The following RGS8 variants were observed in gnomAD, a reference collection of about 807,000 sequenced individuals.
RGS8 encodes the protein regulator of G protein signaling 8, also known as regulator of G-protein signaling 8.
In RGS8, 8 loss-of-function variants were observed where a neutral mutation model predicts 21.7. The observed-to-expected ratio is 0.37, with a 90% CI of 0.22 to 0.66. The LOEUF is 0.66. Among genes scored for constraint, RGS8 ranks in the 30% least tolerant of loss-of-function variants. The pLI, the probability that RGS8 is intolerant of heterozygous loss-of-function variation, is 0.59. For synonymous variants in RGS8, 80 were observed against 83.6 expected, an observed-to-expected ratio of 0.96 and a Z score of 0.24; for missense variants, 157 against 217.9, an observed-to-expected ratio of 0.72 and a Z score of 1.76.
At chr1:182,643,332 C>T (rs866483690), downstream of RGS8, 7 of 101,636 alleles carry the variant, frequency 6.9e-5, no homozygotes, top group South Asian at 3.5e-4. Flanking sequence ...AGCCCCCCCG[C>T]CCCCGCGCTG....
chr1:182,669,989 A>G (rs1479958888), intron 2 of RGS8, among the ~76,000 whole-genome samples: 1 of 152,234 alleles, frequency 6.6e-6, no homozygotes, highest in Non-Finnish European at 1.5e-5. Context: ...ACCACTGGCC[A>G]TCAAATATAA....
At chr1:182,644,836 G>A (rs1434687453), downstream of RGS8, 6 of 152,160 alleles carry the variant, frequency 3.9e-5, no homozygotes, top group African/African-American at 1.4e-4. Context: ...CCACGGTTGG[G>A]AGGATACTAC....
At chr1:182,723,720 G>C in the RGS8 span, among the ~76,000 whole-genome samples, 18 of 152,220 alleles carry the variant, frequency 1.2e-4, no homozygotes, top group Non-Finnish European at 2.2e-4. Flanking sequence ...GCTGCCTACT[G>C]CAAAAATAAT....
At chr1:182,712,883 G>T in the RGS8 span, 1 of 152,178 alleles carries the variant, frequency 6.6e-6, no homozygotes, top group East Asian at 1.9e-4. Flanking sequence ...TCATGGTGAC[G>T]ACCAGGTAAA....
At chr1:182,692,994 C>T in the RGS8 span, among the ~76,000 whole-genome samples, 2 of 152,212 alleles carry the variant, frequency 1.3e-5, no homozygotes, top group African/African-American at 2.4e-5. Context: ...GGATTAAAGA[C>T]TTAAATATAA....
chr1:182,655,571 A>T (rs1468306902), intron 5 of RGS8, among the ~76,000 whole-genome samples: 1 of 152,206 alleles, frequency 6.6e-6, no homozygotes. Context: ...CAGAAGCTCC[A>T]CGAGTCTCAG....
rs974538938 is a variant in RGS8, at chr1:182,648,128, C to T, written c.360+9G>A. 1 of 1,591,098 alleles carries T rather than the reference C, an allele frequency of 6.3e-7. No homozygotes were observed. The highest frequency in any genetic ancestry group is 1.3e-5 in the African/African-American group (1 of 74,490). Reference sequence around the variant, plus strand: ...TGGATAGACAGGATGGTCGCCGCTGCCAACACACCTCCCGTGGAGCCTGCA... The same window carrying T: ...TGGATAGACAGGATGGTCGCCGCTGTCAACACACCTCCCGTGGAGCCTGCA... On this transcript the variant is annotated intron_variant, in intron 6 of 6. Coordinates refer to ENST00000483095, the Ensembl canonical transcript of RGS8.
chr1:182,667,018 C>A, intron 3 of RGS8, 45 bp from the exon 5 acceptor site: 1 of 1,489,442 alleles, frequency 6.7e-7, no homozygotes, highest in South Asian at 1.1e-5. Flanking sequence ...CTCTCATGAT[C>A]ACAGCTGTCA....
the RGS8 span, among the ~76,000 whole-genome samples, chr1:182,711,020 G>C: frequency 6.6e-6 from 1 of 152,262 alleles, no homozygotes; most frequent in South Asian, 2.1e-4. Context: ...GAGGCACAAA[G>C]ATGCCGGCAA....
chr1:182,698,990 A>G, the RGS8 span, among the ~76,000 whole-genome samples: 1 of 152,234 alleles, frequency 6.6e-6, no homozygotes, highest in Non-Finnish European at 1.5e-5. Flanking sequence ...TGCCTGAAAA[A>G]TAGAGCCCAG....
chr1:182,728,072 T>C, the RGS8 span, among the ~76,000 whole-genome samples: 5 of 151,970 alleles, frequency 3.3e-5, no homozygotes, highest in African/African-American at 1.2e-4. Flanking sequence ...TTTACAGAAA[T>C]TGTTACACTG....
Position 182,650,162 on chromosome 1 carries a change from G to A in RGS8, c.194-1859C>T, listed in dbSNP as rs1401161138. On this transcript the variant is annotated intron_variant, in intron 5 of 6. Coordinates refer to ENST00000483095, the Ensembl canonical transcript of RGS8. ...CTTGACCTTGTGATCCACCCGCCTCGGCCTCCCAAAGTGCTGGGATTACAG... is the reference window on the plus strand; with the variant it reads ...CTTGACCTTGTGATCCACCCGCCTCAGCCTCCCAAAGTGCTGGGATTACAG... Among the ~76,000 whole-genome samples the A allele has an allele frequency of 2.0e-5, 3 of 149,066 alleles. No homozygotes were observed. In the East Asian group the frequency reaches 5.8e-4, roughly 29 times the overall value.
the RGS8 span, among the ~76,000 whole-genome samples, chr1:182,713,813 A>G: frequency 2.0e-5 from 3 of 152,208 alleles, no homozygotes; most frequent in Admixed American, 6.5e-5. Flanking sequence ...TGCCTGTTTG[A>G]AAAACACCAA....
At chr1:182,651,568 G>A (rs1020155721) in intron 5 of RGS8, among the ~76,000 whole-genome samples, 9 of 152,146 alleles carry the variant, frequency 5.9e-5, no homozygotes, top group South Asian at 2.1e-4. Context: ...CCCTAAAGTC[G>A]AAAAATCATA....
At chr1:182,707,838 C>T in the RGS8 span, among the ~76,000 whole-genome samples, 4 of 152,054 alleles carry the variant, frequency 2.6e-5, no homozygotes, top group African/African-American at 7.2e-5. Flanking sequence ...TCCCGAGTGG[C>T]GGGGACTACA....
At chr1:182,706,018 T>C in the RGS8 span, among the ~76,000 whole-genome samples, 1 of 152,210 alleles carries the variant, frequency 6.6e-6, no homozygotes. Context: ...GGTCTCATTT[T>C]GTCACTCAGG....
At chr1:182,731,381 T>A in the RGS8 span, among the ~76,000 whole-genome samples, 4 of 152,236 alleles carry the variant, frequency 2.6e-5, no homozygotes, top group Non-Finnish European at 5.9e-5. Flanking sequence ...TACAGTAAAA[T>A]AATTCTCCTT....
At chr1:182,737,285 TA>T in the RGS8 span, among the ~76,000 whole-genome samples, 28 of 149,300 alleles carry the variant, frequency 1.9e-4, no homozygotes, top group African/African-American at 2.9e-4. Flanking sequence ...ATCTCATAGG[TA>T]AAAAAAAAAA....
exon 7 of RGS8, chr1:182,646,857 T>A: frequency 6.2e-7 from 1 of 1,614,162 alleles, no homozygotes; most frequent in Non-Finnish European, 8.5e-7. Context: ...TCAAAGCAAG[T>A]CAGGGATGGC....
Sources: gnomAD v4.1 joint callset for allele counts (sites outside exome capture counted in the v4.1 genomes callset) on GRCh38, gnomAD v4.1.1 for gene constraint, MANE v1.5 for transcripts, NCBI Gene and HGNC (gene_info 2026-07-23, HGNC 2026-07-21) for gene names.